EVI5L: variants seen among roughly 807,000 people sequenced by gnomAD.
The protein encoded by EVI5L is EVI5-like protein.
Under a neutral mutation model 106.1 loss-of-function variants are expected in EVI5L, and 30 were observed. The observed-to-expected ratio is 0.28, with a 90% CI of 0.21 to 0.38. The LOEUF is 0.38. EVI5L is among the 10% of genes least tolerant of loss of function. EVI5L has a pLI of 1.00. For missense variants in EVI5L, 809 were observed against 1,098.0 expected, an observed-to-expected ratio of 0.74 and a Z score of 3.72; for synonymous variants, 489 against 483.3, an observed-to-expected ratio of 1.01 and a Z score of -0.15.
chr19:7,838,173 A>G lies in EVI5L; in HGVS notation c.-48+7792A>G, dbSNP rs533681692. ...ACCCAGGCTGGAGTGCAGTCGTGCA[A>G]TCTCGGCTCACTGCAACTTCCGCCT... On this transcript the variant is annotated intron_variant, in intron 1 of 19. Transcript: ENST00000538904. 4.1e-5 allele frequency among the ~76,000 whole-genome samples: 6 copies of G among 147,400 alleles called. No individual in the cohort carries two copies. In the East Asian group the frequency reaches 1.0e-3, roughly 26 times the overall value.
At chr19:7,841,216 A>G (rs982319158) in intron 1 of EVI5L, among the ~76,000 whole-genome samples, 2 of 152,076 alleles carry the variant, frequency 1.3e-5, no homozygotes, top group African/African-American at 4.8e-5. Context: ...AACTTGGGCA[A>G]CTTTGGCCAG....
At position 7,862,202 on chromosome 19, in the gene EVI5L, C is replaced by A. The variant is rs1979835980; in HGVS notation, c.1725C>A (p.Ser575Arg). The A allele has an allele frequency of 1.3e-6, 2 of 1,573,834 alleles. No homozygotes were observed. The highest frequency in any genetic ancestry group is 1.7e-6 in the Non-Finnish European group (2 of 1,162,590). ...GCGAGCTGCAGGACGAGCTGATGAGCGTGCGTCTGCGCGAGGCCCAGGCCC... is the reference window on the plus strand; with the variant it reads ...GCGAGCTGCAGGACGAGCTGATGAGAGTGCGTCTGCGCGAGGCCCAGGCCC... The part of the protein sequence containing the change: ...VVGELQDELM[S>R]VRLREAQALA... The change falls in exon 16 of 20, where the codon AGC becomes AGA. Residue 575 changes from serine (S) to arginine (R), a missense_variant. Physicochemically the swap from Ser to Arg is moderately radical, Grantham distance 110. Transcript: ENST00000538904.
intron 2 of EVI5L, 123 bp from the exon 3 acceptor site, chr19:7,847,609 C>A: frequency 5.4e-6 from 5 of 933,090 alleles, no homozygotes; most frequent in East Asian, 2.7e-5. Flanking sequence ...AAAAAAAGAA[C>A]AAGAGGGACC....
At chr19:7,849,886 G>A (rs1433551494) in intron 5 of EVI5L, 111 bp from the exon 6 acceptor site, 11 of 813,908 alleles carry the variant, frequency 1.4e-5, no homozygotes, top group Non-Finnish European at 1.8e-5. Flanking sequence ...AGTCTAGGGA[G>A]CCAGGTACCG....
At chr19:7,840,941 C>G (rs1978572753) in intron 1 of EVI5L, among the ~76,000 whole-genome samples, 1 of 152,200 alleles carries the variant, frequency 6.6e-6, no homozygotes, top group East Asian at 1.9e-4. Context: ...GTTTGCCGTT[C>G]TCTTGCGTTG....
intron 1 of EVI5L, among the ~76,000 whole-genome samples, chr19:7,833,047 C>T (rs908081797): frequency 1.3e-5 from 2 of 152,166 alleles, no homozygotes; most frequent in Admixed American, 6.5e-5. Flanking sequence ...GGTATGAAGG[C>T]TTCCCAGGAT....
intron 1 of EVI5L, among the ~76,000 whole-genome samples, chr19:7,844,454 T>A (rs931112891): frequency 3.9e-5 from 6 of 152,014 alleles, no homozygotes. Flanking sequence ...CCCAACTCCA[T>A]CTGTGGTTCT....
Position 7,847,742 on chromosome 19 carries a change from G to A in EVI5L, c.148G>A (p.Ala50Thr). Reference protein sequence around the residue: ...KLEEQNRLLEADSKSMRSMNG... With the variant: ...KLEEQNRLLETDSKSMRSMNG... Reference sequence around the variant, plus strand: ...GCCCTTCCTGCCCAGGCTCCTGGAGGCCGACTCCAAGTCCATGCGCTCCAT... The same window carrying A: ...GCCCTTCCTGCCCAGGCTCCTGGAGACCGACTCCAAGTCCATGCGCTCCAT... The change falls in exon 3 of 20, where the codon GCC (alanine) becomes ACC (threonine). Residue 50 changes from alanine to threonine, a missense_variant. Physicochemically the swap from Ala to Thr is moderately conservative, Grantham distance 58. This residue lies in a region of EVI5L where 357 missense variants were observed against 588.1 expected (regional missense o/e 0.61). Coordinates refer to ENST00000538904, the MANE Select transcript of EVI5L (RefSeq NM_001159944.3). 1 of 1,612,146 alleles carries A rather than the reference G, an allele frequency of 6.2e-7. No homozygotes were observed. The highest frequency in any genetic ancestry group is 8.5e-7 in the Non-Finnish European group (1 of 1,179,452).
chr19:7,857,358 G>T lies in EVI5L; in HGVS notation c.1233+234G>T. On this transcript the variant is annotated intron_variant, in intron 12 of 19. Transcript: ENST00000538904. The surrounding 1 kb of genome is among the most constrained non-coding windows in gnomAD (Gnocchi z 4.5). ...GCTGTGAGTGCGTTTGGGTGTGAATGTCCACATGCATGTACAGAAAGCTTC... is the reference window on the plus strand; with the variant it reads ...GCTGTGAGTGCGTTTGGGTGTGAATTTCCACATGCATGTACAGAAAGCTTC... The T allele has an allele frequency of 1.6e-6, 1 of 618,644 alleles. No homozygotes were observed. Among genetic ancestry groups the T allele is most frequent in the Non-Finnish European group, 2.9e-6 (1 of 348,806 alleles). The allele number at this position is 618,644 out of a possible 1,614,324, so 38.3% of individuals were successfully genotyped here.
rs987549684 is a variant in EVI5L, at chr19:7,859,441, C to A, written c.1374+1110C>A. ...GAGCCATCCAATACAGAGGTGCCCCCTCCGCCCCCAGGCCCAGAGACTGTG... is the reference window on the plus strand; with the variant it reads ...GAGCCATCCAATACAGAGGTGCCCCATCCGCCCCCAGGCCCAGAGACTGTG... On this transcript the variant is annotated intron_variant, in intron 13 of 19. Transcript: ENST00000538904. Among the ~76,000 whole-genome samples, 13 of 152,326 alleles carry A rather than the reference C, an allele frequency of 8.5e-5. No homozygotes were observed. In the East Asian group the frequency reaches 1.7e-3, roughly 20 times the overall value.
chr19:7,863,755 G>T lies in EVI5L; in HGVS notation c.*53G>T. ...GAGGCCGCAGCCGCGGGGGGCGCCC[G>T]GGCAGTCCGCGTTCTGCTCCCCACC... On this transcript the variant is annotated 3_prime_UTR_variant, in exon 20 of 20. Transcript: ENST00000538904. This position sits in a 1 kb window ranked among gnomAD's most constrained non-coding sequence, Gnocchi z 7.7. The T allele has an allele frequency of 1.4e-6, 2 of 1,424,332 alleles. No individual in the cohort carries two copies. The highest frequency in any genetic ancestry group is 5.7e-5 in the Admixed American group (2 of 34,936). The allele number at this position is 1,424,332 out of a possible 1,614,324, so 88.2% of individuals were successfully genotyped here. A position where few individuals can be genotyped will look rare whatever the true frequency, so the allele number is the denominator to read the frequency against.
At position 7,850,593 on chromosome 19, in the gene EVI5L, G is replaced by T. The variant is rs961591201; in HGVS notation, c.753+471G>T. 1.2e-4 allele frequency among the ~76,000 whole-genome samples: 19 copies of T among 152,098 alleles called. No individual in the cohort carries two copies. Among genetic ancestry groups the T allele is most frequent in the Non-Finnish European group, 2.2e-4 (15 of 68,000 alleles). ...GCCGTTTGCGAACATACACACACCC[G>T]CATGCATACACACACACGCAGACAC... On this transcript the variant is annotated intron_variant, in intron 6 of 19. Transcript: ENST00000538904. The surrounding 1 kb of genome is among the most constrained non-coding windows in gnomAD (Gnocchi z 5.4).
chr19:7,834,891 C>G (rs1474910389), intron 1 of EVI5L, among the ~76,000 whole-genome samples: 1 of 151,870 alleles, frequency 6.6e-6, no homozygotes, highest in Admixed American at 6.6e-5. Context: ...TTTGAGAGGC[C>G]GAGTCAGGGA....
In EVI5L at chr19:7,857,260, C is replaced by T. The variant is rs1227593169; in HGVS notation, c.1233+136C>T. 17 of 1,233,290 alleles carry T rather than the reference C, an allele frequency of 1.4e-5. 1 individual carries two copies. Among genetic ancestry groups the T allele is most frequent in the South Asian group, 7.9e-5 (6 of 76,358 alleles). 76.4% of individuals were successfully genotyped at this position (1,233,290 alleles called of 1,614,324 possible). A position where few individuals can be genotyped will look rare whatever the true frequency, so the allele number is the denominator to read the frequency against. On this transcript the variant is annotated intron_variant, in intron 12 of 19. Transcript: ENST00000538904. The surrounding 1 kb of genome is among the most constrained non-coding windows in gnomAD (Gnocchi z 4.5). ...CGCCATGCATGGAGCAGCTGGGGAC[C>T]GCTTCTGGGGGACACAGAGGCTTCC... is the stretch of plus-strand genomic sequence containing the variant.
chr19:7,858,832 G>A lies in EVI5L; in HGVS notation c.1374+501G>A. On this transcript the variant is annotated intron_variant, in intron 13 of 19. Transcript: ENST00000538904. The surrounding 1 kb of genome is among the most constrained non-coding windows in gnomAD (Gnocchi z 5.7). ...GTGTCTTGAGGGCCATGAACTTTGGGTCCCATGATGGGCAGGCCCATGAGT... is the reference window on the plus strand; with the variant it reads ...GTGTCTTGAGGGCCATGAACTTTGGATCCCATGATGGGCAGGCCCATGAGT... 1 of 154,072 alleles carries A rather than the reference G, an allele frequency of 6.5e-6. No homozygotes were observed. Among genetic ancestry groups the A allele is most frequent in the Admixed American group, 6.5e-5 (1 of 15,442 alleles). 9.5% of individuals were successfully genotyped at this position (154,072 alleles called of 1,614,324 possible).
chr19:7,842,899 T>A (rs1185715911), intron 1 of EVI5L, among the ~76,000 whole-genome samples: 1 of 149,834 alleles, frequency 6.7e-6, no homozygotes, highest in Admixed American at 6.6e-5. Flanking sequence ...ATGTGTGTAT[T>A]GAGTGTGTGC....
At chr19:7,842,841 G>A (rs1369431180) in intron 1 of EVI5L, among the ~76,000 whole-genome samples, 1 of 151,518 alleles carries the variant, frequency 6.6e-6, no homozygotes, top group Non-Finnish European at 1.5e-5. Flanking sequence ...AGGTATATAG[G>A]TGTGTGTATC....
Position 7,854,848 on chromosome 19 carries a change from C to T in EVI5L, c.1147-1167C>T, listed in dbSNP as rs150847229. On this transcript the variant is annotated intron_variant, in intron 10 of 19. Coordinates refer to ENST00000538904, the MANE Select transcript of EVI5L (RefSeq NM_001159944.3). The stretch of plus-strand genomic sequence containing the variant: ...CCACATGACATGCATCAATGACTGT[C>T]AAGTCTGCGGTTCTGTCTGACTGCA... Among the ~76,000 whole-genome samples, 1,041 of 152,294 alleles carry T rather than the reference C, an allele frequency of 6.8e-3. 14 individuals carry two copies. The highest frequency in any genetic ancestry group is 0.024 in the African/African-American group (1,003 of 41,556).
At chr19:7,851,833 G>A in intron 8 of EVI5L, 63 bp downstream of exon 8, 1 of 1,410,132 alleles carries the variant, frequency 7.1e-7, no homozygotes, top group Non-Finnish European at 9.3e-7. Context: ...GTCACAGGAT[G>A]CCCTCACAAG....
Sources: allele counts gnomAD v4.1 joint callset (sites outside exome capture counted in the v4.1 genomes callset), GRCh38; gene constraint gnomAD v4.1.1; regional missense constraint gnomAD v4.1.1; non-coding constraint Gnocchi (gnomAD v3.1); transcripts MANE v1.5; gene names NCBI Gene and HGNC (gene_info 2026-07-23, HGNC 2026-07-21).